Variants in CEP152 observed in about 807,000 individuals in gnomAD.
CEP152 encodes centrosomal protein of 152 kDa.
Under a neutral mutation model 188.9 loss-of-function variants are expected in CEP152, and 132 were observed. That is an observed-to-expected ratio of 0.70 (90% CI 0.61 to 0.81). CEP152 has a LOEUF of 0.81. CEP152 is among the 30% of genes least tolerant of loss of function. The pLI is 0.00. For missense variants in CEP152, 1,914 were observed against 1,969.8 expected, an observed-to-expected ratio of 0.97 and a Z score of 0.54; for synonymous variants, 649 against 666.6, an observed-to-expected ratio of 0.97 and a Z score of 0.41.
downstream of CEP152, among the ~76,000 whole-genome samples, chr15:48,736,923 A>C (rs984315738): frequency 6.6e-6 from 1 of 152,196 alleles, no homozygotes; most frequent in African/African-American, 2.4e-5. Context: ...TGGCTGTTTT[A>C]GAGTTTTTTT....
rs370094750 is a variant in CEP152 at position 48,785,919 on chromosome 15, AAGAG to A, written c.1174-1803_1174-1800del. Among the ~76,000 whole-genome samples, 706 of 88,924 alleles carry A rather than the reference AAGAG, an allele frequency of 7.9e-3. 5 individuals are homozygous for A. The highest frequency in any genetic ancestry group is 0.04 in the East Asian group (69 of 1,728). 58.3% of individuals were successfully genotyped at this position (88,924 alleles called of 152,430 possible). A position where few individuals can be genotyped will look rare whatever the true frequency, so the allele number is the denominator to read the frequency against. ...AGACTCCATCTCAAAAAAAAAAAAA[AAGAG>A]AGAGAGAGAGAGAGAGATGATAGAG... On this transcript the variant is annotated intron_variant, in intron 9 of 26. Coordinates refer to ENST00000380950, the MANE Select transcript of CEP152 (RefSeq NM_001194998.2).
Position 48,768,344 on chromosome 15 carries a change from T to C in CEP152, c.1909-16A>G, listed in dbSNP as rs780680277. The C allele has an allele frequency of 2.2e-6, 3 of 1,337,260 alleles. No individual in the cohort carries two copies. The highest frequency in any genetic ancestry group is 1.8e-4 in the Middle Eastern group (1 of 5,430). The allele number at this position is 1,337,260 out of a possible 1,614,324, so 82.8% of individuals were successfully genotyped here. A position where few individuals can be genotyped will look rare whatever the true frequency, so the allele number is the denominator to read the frequency against. On this transcript the variant is annotated splice_polypyrimidine_tract_variant and intron_variant, in intron 14 of 26. Coordinates refer to ENST00000380950, the MANE Select transcript of CEP152 (RefSeq NM_001194998.2). ...CTTTAAGTTCCTAGACACAAAAGAATAAACTTAGTACTTACAGAAAATAAA... is the reference window on the plus strand; with the variant it reads ...CTTTAAGTTCCTAGACACAAAAGAACAAACTTAGTACTTACAGAAAATAAA...
chr15:48,792,134 T>C (rs1897030773), intron 7 of CEP152, among the ~76,000 whole-genome samples: 1 of 151,964 alleles, frequency 6.6e-6, no homozygotes, highest in African/African-American at 2.4e-5. Flanking sequence ...CTGGGACTAC[T>C]GGCGCCACCA....
At chr15:48,802,091 A>C (rs1897700647) in intron 2 of CEP152, among the ~76,000 whole-genome samples, 1 of 147,534 alleles carries the variant, frequency 6.8e-6, no homozygotes, top group Non-Finnish European at 1.5e-5. Flanking sequence ...CTCCATCTCA[A>C]AAAAAAAAAA....
Position 48,785,487 on chromosome 15 carries a change from C to CATG in CEP152, c.1174-1370_1174-1368dup, listed in dbSNP as rs546181648. Among the ~76,000 whole-genome samples the CATG allele has an allele frequency of 3.9e-3, 591 of 152,036 alleles. 4 individuals are homozygous for CATG. The highest frequency in any genetic ancestry group is 0.014 in the African/African-American group (576 of 41,452). On this transcript the variant is annotated intron_variant, in intron 9 of 26. Transcript: ENST00000380950. ...ATGAATGAGCTCATATTAATGACAG[C>CATG]ATGACAGTAATGACAGCAAGAAGGG...
chr15:48,742,442 T>C (rs1893047518), intron 24 of CEP152, among the ~76,000 whole-genome samples: 1 of 152,150 alleles, frequency 6.6e-6, no homozygotes, highest in South Asian at 2.1e-4. Flanking sequence ...TTGTACATTA[T>C]GTCCAGTTAG....
intron 26 of CEP152, chr15:48,740,840 C>T (rs146481052): frequency 3.6e-5 from 6 of 168,224 alleles, no homozygotes; most frequent in African/African-American, 1.5e-4. Context: ...TTGTTGTTGC[C>T]CAGCTCAATA....
chr15:48,787,170 T>TTTTTTTG (rs1567018646), intron 9 of CEP152, among the ~76,000 whole-genome samples: 11 of 108,450 alleles, frequency 1.0e-4, no homozygotes, highest in East Asian at 4.7e-4. Context: ...TTCGTTTTTT[T>TTTTTTTG]TTTTTTTTTT....
At chr15:48,769,986 G>T (rs988444419) in intron 13 of CEP152, among the ~76,000 whole-genome samples, 1 of 152,156 alleles carries the variant, frequency 6.6e-6, no homozygotes. Flanking sequence ...TGTATTTCTT[G>T]TGTCACCACC....
At chr15:48,793,506 T>G in intron 6 of CEP152, 45 bp from the exon 7 acceptor site, 1 of 1,550,788 alleles carries the variant, frequency 6.4e-7, no homozygotes, top group Non-Finnish European at 8.9e-7. Flanking sequence ...TACCAAAATA[T>G]AAATTTATAG....
At chr15:48,787,340 T>C (rs974772299) in intron 9 of CEP152, among the ~76,000 whole-genome samples, 2 of 151,850 alleles carry the variant, frequency 1.3e-5, no homozygotes, top group Non-Finnish European at 2.9e-5. Context: ...GCTAATTTGT[T>C]ATTTTTTCTT....
At chr15:48,805,719 C>T in intron 1 of CEP152, 63 bp from the exon 2 acceptor site, 4 of 1,603,242 alleles carry the variant, frequency 2.5e-6, no homozygotes, top group Non-Finnish European at 2.6e-6. Context: ...GGACAAACTA[C>T]ATAAGAGATG....
intron 17 of CEP152, 33 bp from the exon 18 acceptor site, chr15:48,762,705 C>A: frequency 6.2e-7 from 1 of 1,606,158 alleles, no homozygotes; most frequent in Non-Finnish European, 8.5e-7. Flanking sequence ...ACGAGAAGAA[C>A]AATTTTCAAA....
intron 21 of CEP152, among the ~76,000 whole-genome samples, chr15:48,750,771 A>G (rs1030618932): frequency 1.3e-5 from 2 of 152,214 alleles, no homozygotes; most frequent in African/African-American, 4.8e-5. Context: ...TATTTTTATA[A>G]TGTTAAAACA....
At chr15:48,757,782 A>C (rs3891625) in intron 19 of CEP152, among the ~76,000 whole-genome samples, 103,004 of 152,160 alleles carry the variant, frequency 0.68, 37,838 homozygotes, top group Middle Eastern at 0.86. Context: ...TTCACTGCAA[A>C]ATTCCTTTGC....
At chr15:48,805,443 T>C in intron 2 of CEP152, 120 bp downstream of exon 2, 1 of 1,364,100 alleles carries the variant, frequency 7.3e-7, no homozygotes, top group Non-Finnish European at 9.8e-7. Context: ...GGGTTGTTTT[T>C]TTTTTAAAAA....
intron 9 of CEP152, among the ~76,000 whole-genome samples, chr15:48,787,490 A>C (rs561447334): frequency 1.1e-4 from 17 of 152,112 alleles, no homozygotes; most frequent in African/African-American, 3.6e-4. Context: ...CCCTACTCCT[A>C]TATATCCTCC....
chr15:48,768,178 G>T, intron 15 of CEP152, 41 bp downstream of exon 15: 1 of 1,153,378 alleles, frequency 8.7e-7, no homozygotes, highest in South Asian at 1.2e-5. Context: ...GAGGGGAAGG[G>T]TACCCAGGAG....
At chr15:48,734,983 G>C (rs1652517773), downstream of CEP152, among the ~76,000 whole-genome samples, 1 of 152,096 alleles carries the variant, frequency 6.6e-6, no homozygotes, top group South Asian at 2.1e-4. Context: ...AATCAGCAAG[G>C]CTATAGCAGA....
Sources: allele counts gnomAD v4.1 joint callset (sites outside exome capture counted in the v4.1 genomes callset), GRCh38; gene constraint gnomAD v4.1.1; transcripts MANE v1.5; gene names NCBI Gene and HGNC (gene_info 2026-07-23, HGNC 2026-07-21).